TENM3: variants seen among roughly 807,000 people sequenced by gnomAD.
TENM3 encodes teneurin transmembrane protein 3.
TENM3 carries 63 observed loss-of-function variants against 255.1 expected under a neutral mutation model. That is an observed-to-expected ratio of 0.25 (90% confidence interval 0.20 to 0.30). TENM3 has a LOEUF of 0.30. Among genes scored for constraint, TENM3 ranks in the 10% least tolerant of loss-of-function variants. The pLI is 1.00. For missense variants in TENM3, 2,929 were observed against 3,461.1 expected (o/e 0.85, Z 3.86); for synonymous variants, 1,306 against 1,322.3 (o/e 0.99, Z 0.27).
At chr4:181,530,906 G>A in the TENM3 span, among the ~76,000 whole-genome samples, 1 of 152,050 alleles carries the variant, frequency 6.6e-6, no homozygotes, top group African/African-American at 2.4e-5. Flanking sequence ...TTTGGAAGCT[G>A]ACACCTGCAC....
At chr4:181,643,066 A>C in the TENM3 span, among the ~76,000 whole-genome samples, 1 of 152,178 alleles carries the variant, frequency 6.6e-6, no homozygotes, top group Non-Finnish European at 1.5e-5. Flanking sequence ...CTTGATGGGG[A>C]TAGCATTGAC....
chr4:182,575,910 C>G (rs1185765561), intron 3 of TENM3, among the ~76,000 whole-genome samples: 3 of 152,078 alleles, frequency 2.0e-5, no homozygotes, highest in African/African-American at 7.2e-5. Context: ...GCAATTTCTG[C>G]ACATTTCCTC....
the TENM3 span, among the ~76,000 whole-genome samples, chr4:182,026,703 T>C: frequency 6.6e-6 from 1 of 152,220 alleles, no homozygotes; most frequent in Admixed American, 6.5e-5. Context: ...CCCAGCACTA[T>C]TTATTGAGGA....
the TENM3 span, among the ~76,000 whole-genome samples, chr4:181,788,094 T>G: frequency 6.6e-6 from 1 of 152,186 alleles, no homozygotes; most frequent in Admixed American, 6.6e-5. Flanking sequence ...CTCATCATAT[T>G]GGTTCAGAAT....
At chr4:182,301,030 ATAAAG>A (rs1440782302) in intron 1 of TENM3, among the ~76,000 whole-genome samples, 5 of 152,236 alleles carry the variant, frequency 3.3e-5, no homozygotes, top group African/African-American at 1.2e-4. Flanking sequence ...AAAAAGAAAA[ATAAAG>A]TATACATTTG....
chr4:181,865,805 A>G, the TENM3 span, among the ~76,000 whole-genome samples: 1 of 152,118 alleles, frequency 6.6e-6, no homozygotes, highest in Admixed American at 6.6e-5. Context: ...TTGCATTATG[A>G]TTCTTATCAA....
intron 7 of TENM3, among the ~76,000 whole-genome samples, chr4:182,675,416 C>T (rs1755589903): frequency 6.6e-6 from 1 of 151,984 alleles, no homozygotes; most frequent in Non-Finnish European, 1.5e-5. Flanking sequence ...TAGCGCACAC[C>T]TGTAATCCCA....
chr4:181,898,135 T>A, the TENM3 span, among the ~76,000 whole-genome samples: 1 of 152,308 alleles, frequency 6.6e-6, no homozygotes, highest in Non-Finnish European at 1.5e-5. Flanking sequence ...GCAATCCAAC[T>A]TCATTGAAAA....
chr4:181,932,606 C>T, the TENM3 span, among the ~76,000 whole-genome samples: 7 of 152,284 alleles, frequency 4.6e-5, no homozygotes, highest in South Asian at 2.1e-4. Flanking sequence ...GACAGTGTGG[C>T]GATTCCTCAA....
chr4:181,975,879 T>A, the TENM3 span: 3 of 152,084 alleles, frequency 2.0e-5, no homozygotes, highest in African/African-American at 7.2e-5. Flanking sequence ...TGATAGAAAA[T>A]TATTGTCTGA....
chr4:181,460,541 A>G, the TENM3 span, among the ~76,000 whole-genome samples: 2 of 151,534 alleles, frequency 1.3e-5, no homozygotes, highest in African/African-American at 4.8e-5. Flanking sequence ...CTGGGTGAAA[A>G]TCTCCTAATT....
intron 3 of TENM3, among the ~76,000 whole-genome samples, chr4:182,501,081 A>C (rs1206176888): frequency 6.6e-6 from 1 of 152,138 alleles, no homozygotes; most frequent in African/African-American, 2.4e-5. Context: ...AGTGAGGAGA[A>C]AGCCACACAG....
Position 182,673,210 on chromosome 4 carries a change from C to A in TENM3, c.1317C>A (p.Ser439=). The A allele has an allele frequency of 1.2e-6, 2 of 1,608,936 alleles. No homozygotes were observed. Among genetic ancestry groups the A allele is most frequent in the Non-Finnish European group, 1.7e-6 (2 of 1,175,868 alleles). ...GVYGRKGLPP[S]HTQYDFVELL... ...ATGGCCGGAAAGGCTTACCGCCTTC[C>A]CATACTCAGGTAAGACTAGGCTTTC... The change falls in exon 7 of 28, where the codon TCC becomes TCA. Residue 439 remains serine (S), a synonymous_variant. Coordinates refer to ENST00000511685, the MANE Select transcript of TENM3 (RefSeq NM_001080477.4).
At chr4:182,795,753 T>C (rs983669265) in intron 26 of TENM3, among the ~76,000 whole-genome samples, 2 of 152,218 alleles carry the variant, frequency 1.3e-5, no homozygotes, top group Admixed American at 1.3e-4. Flanking sequence ...GGGAATGCCA[T>C]AGCAGCATTT....
the TENM3 span, among the ~76,000 whole-genome samples, chr4:181,992,701 C>T: frequency 3.9e-5 from 6 of 152,200 alleles, no homozygotes; most frequent in African/African-American, 1.2e-4. Flanking sequence ...GAGGCAATGG[C>T]TGTTTCAAAT....
At chr4:182,572,586 C>T (rs1287141521) in intron 3 of TENM3, among the ~76,000 whole-genome samples, 2 of 152,196 alleles carry the variant, frequency 1.3e-5, no homozygotes, top group African/African-American at 4.8e-5. Context: ...TACTCATTCA[C>T]AGATGGGTGT....
rs148594019 is a variant in TENM3, at chr4:182,792,834, G to C, written c.6162G>C (p.Glu2054Asp). 2.9e-4 allele frequency: 472 copies of C among 1,613,850 alleles called. No homozygotes were observed. The African/African-American group carries it at 5.1e-3, about 17-fold the overall frequency. ...YQFDDISGKV[E>D]QFGKFGVIYY... ...TTGATGACATTTCTGGCAAAGTTGAGCAGTTTGGAAAGTTTGGAGTTATAT... is the reference window on the plus strand; with the variant it reads ...TTGATGACATTTCTGGCAAAGTTGACCAGTTTGGAAAGTTTGGAGTTATAT... The change falls in exon 26 of 28, where the codon GAG becomes GAC. Residue 2054 changes from glutamate to aspartate, a missense_variant. Glu to Asp is a conservative substitution (Grantham distance 45). Transcript: ENST00000511685. The surrounding 1 kb of genome is among the most constrained non-coding windows in gnomAD (Gnocchi z 6.3).
intron 3 of TENM3, among the ~76,000 whole-genome samples, chr4:182,591,477 T>C (rs1746644050): frequency 6.6e-6 from 1 of 152,200 alleles, no homozygotes; most frequent in Non-Finnish European, 1.5e-5. Context: ...TTTTTATAAA[T>C]AGTTTTACAA....
the TENM3 span, among the ~76,000 whole-genome samples, chr4:181,709,247 C>A: frequency 2.6e-5 from 4 of 152,118 alleles, no homozygotes; most frequent in Admixed American, 1.3e-4. Flanking sequence ...TTACCTGCTA[C>A]AGGTATTGTT....
Sources: allele counts gnomAD v4.1 joint callset (sites outside exome capture counted in the v4.1 genomes callset), GRCh38; gene constraint gnomAD v4.1.1; non-coding constraint Gnocchi (gnomAD v3.1); transcripts MANE v1.5; gene names NCBI Gene and HGNC (gene_info 2026-07-23, HGNC 2026-07-21).